TK2: variants seen among roughly 807,000 people sequenced by gnomAD.
The protein encoded by TK2 is thymidine kinase 2, also known as thymidine kinase 2, mitochondrial.
Under a neutral mutation model 41.9 loss-of-function variants are expected in TK2, and 35 were observed. The observed-to-expected ratio is 0.84, with a 90% CI of 0.64 to 1.11. TK2 has a LOEUF of 1.11. Ranked by LOEUF, TK2 falls within the 50% of genes least tolerant of loss-of-function variation. The pLI is 0.00. For missense variants in TK2, 320 were observed against 351.1 expected, an observed-to-expected ratio of 0.91 and a Z score of 0.71; for synonymous variants, 128 against 129.1, an observed-to-expected ratio of 0.99 and a Z score of 0.06.
rs1482675601 is a variant in TK2, at chr16:66,550,048, G to A, written c.14C>T (p.Pro5Leu). The A allele has an allele frequency of 1.9e-6, 3 of 1,572,450 alleles. No individual in the cohort carries two copies. The highest frequency in any genetic ancestry group is 2.3e-5 in the East Asian group (1 of 42,784). MLLW[P>L]LRGWAARALR... ...CGCCCGGGCGGCCCAGCCCCGCAGCGGCCACAGCAGCATAGCCGGGCGAGC... is the reference window on the plus strand; with the variant it reads ...CGCCCGGGCGGCCCAGCCCCGCAGCAGCCACAGCAGCATAGCCGGGCGAGC... Residue 5 changes from proline (P) to leucine (L), a missense_variant, in exon 1 of 10, where the codon CCG becomes CTG. Coordinates refer to ENST00000544898, the MANE Select transcript of TK2 (RefSeq NM_004614.5).
chr16:66,537,144 C>T, intron 3 of TK2, 127 bp from the exon 4 acceptor site: 3 of 1,307,564 alleles, frequency 2.3e-6, no homozygotes, highest in African/African-American at 1.5e-5. Flanking sequence ...AATTTGGGTG[C>T]CCAAGGTAGG....
rs1261718836 is a variant in TK2, at chr16:66,514,428, T to C, written c.619-617A>G. 6.6e-6 allele frequency among the ~76,000 whole-genome samples: 1 copy of C among 152,136 alleles called. No individual in the cohort carries two copies. The highest frequency in any genetic ancestry group is 1.5e-5 in the Non-Finnish European group (1 of 68,020). ...AGTCTGGTTCACTCAGTGCTCAATG[T>C]TGCCCAGGCTGGAGTGCAGTGGCGT... is the stretch of plus-strand genomic sequence containing the variant. On this transcript the variant is annotated intron_variant, in intron 8 of 9. Transcript: ENST00000544898. The surrounding 1 kb of genome is among the most constrained non-coding windows in gnomAD (Gnocchi z 4.2).
chr16:66,517,179 C>T lies in TK2; in HGVS notation c.575G>A (p.Arg192Lys), dbSNP rs281865496. ...LRTNPETCYQ[R>K]LKKRCREEEK... ...CTCTTCCCTGCATCTCTTCTTTAAC[C>T]TCTGGTAACAAGTCTCAGGATTGGT... Residue 192 changes from arginine to lysine, a missense_variant, in exon 8 of 10, where the codon AGG (arginine) becomes AAG (lysine). By Grantham distance (26) the Arg-to-Lys change is conservative (BLOSUM62 2). Transcript: ENST00000544898. The surrounding 1 kb of genome is among the most constrained non-coding windows in gnomAD (Gnocchi z 4.3). 6.2e-7 allele frequency: 1 copy of T among 1,614,162 alleles called. No individual in the cohort carries two copies. Among genetic ancestry groups the T allele is most frequent in the Admixed American group, 1.7e-5 (1 of 60,016 alleles).
chr16:66,524,240 G>C (rs1484521865), intron 6 of TK2, among the ~76,000 whole-genome samples: 1 of 152,188 alleles, frequency 6.6e-6, no homozygotes, highest in East Asian at 1.9e-4. Context: ...GTCCAGTGAA[G>C]CCCCAAGGAA....
At position 66,548,842 on chromosome 16, in the gene TK2, T is replaced by C. The variant is rs1010368572; in HGVS notation, c.156+136A>G. 3 of 841,950 alleles carry C rather than the reference T, an allele frequency of 3.6e-6. No homozygotes were observed. The South Asian group carries it at 4.4e-5, about 12-fold the overall frequency. 52.2% of individuals were successfully genotyped at this position (841,950 alleles called of 1,614,324 possible). ...GTGGCCTTCTAGGAGGGTGACAGAC[T>C]TCCTTCTCCCTGGAGATCCTCTTGT... On this transcript the variant is annotated intron_variant, in intron 2 of 9. Coordinates refer to ENST00000544898, the MANE Select transcript of TK2 (RefSeq NM_004614.5).
chr16:66,542,256 C>G (rs1008518106), intron 2 of TK2, among the ~76,000 whole-genome samples: 2 of 152,192 alleles, frequency 1.3e-5, no homozygotes, highest in African/African-American at 4.8e-5. Context: ...CTTAGTTCAA[C>G]CCCACAGACT....
At chr16:66,549,513 G>C (rs1321297128) in intron 1 of TK2, 2 of 1,037,828 alleles carry the variant, frequency 1.9e-6, no homozygotes, top group African/African-American at 3.4e-5. Flanking sequence ...TTCTGTGTGG[G>C]TCCCCACTCC....
At chr16:66,518,641 G>A (rs927337627) in intron 6 of TK2, among the ~76,000 whole-genome samples, 2 of 152,166 alleles carry the variant, frequency 1.3e-5, no homozygotes, top group South Asian at 2.1e-4. Flanking sequence ...GAAAATTCAC[G>A]CAGTAACTGA....
intron 6 of TK2, among the ~76,000 whole-genome samples, chr16:66,522,817 T>C (rs1472154006): frequency 6.6e-6 from 1 of 151,948 alleles, no homozygotes; most frequent in Non-Finnish European, 1.5e-5. Context: ...TGAGCCGAGA[T>C]TGCACCACTG....
In TK2 at chr16:66,517,608, T is replaced by A. The variant is rs1324079864; in HGVS notation, c.538+181A>T. Among the ~76,000 whole-genome samples, 2 of 152,184 alleles carry A rather than the reference T, an allele frequency of 1.3e-5. No homozygotes were observed. Among genetic ancestry groups the A allele is most frequent in the Non-Finnish European group, 2.9e-5 (2 of 68,034 alleles). ...GAACAAAGGCCAGGGTTCTTCTCCA[T>A]GAGAGACCAGAAGTCCCGAATTCTG... is the stretch of plus-strand genomic sequence containing the variant. On this transcript the variant is annotated intron_variant, in intron 7 of 9. Coordinates refer to ENST00000544898, the MANE Select transcript of TK2 (RefSeq NM_004614.5). This position sits in a 1 kb window ranked among gnomAD's most constrained non-coding sequence, Gnocchi z 4.3.
intron 6 of TK2, among the ~76,000 whole-genome samples, chr16:66,523,932 G>A (rs932820105): frequency 6.6e-6 from 1 of 152,198 alleles, no homozygotes; most frequent in Non-Finnish European, 1.5e-5. Flanking sequence ...GGAGTTGTCC[G>A]GAGAGTGGCC....
In TK2 at chr16:66,514,591, T is replaced by G. The variant is rs1964553491; in HGVS notation, c.619-780A>C. ...CTGCCTGGCCGCCCATCGTCTAGGATGTGAGGACCCCTCTGCCCGGCCGCT... is the reference window on the plus strand; with the variant it reads ...CTGCCTGGCCGCCCATCGTCTAGGAGGTGAGGACCCCTCTGCCCGGCCGCT... On this transcript the variant is annotated intron_variant, in intron 8 of 9. Coordinates refer to ENST00000544898, the MANE Select transcript of TK2 (RefSeq NM_004614.5). The surrounding 1 kb of genome is among the most constrained non-coding windows in gnomAD (Gnocchi z 4.2). 6.6e-6 allele frequency among the ~76,000 whole-genome samples: 1 copy of G among 152,042 alleles called. No homozygotes were observed. Among genetic ancestry groups the G allele is most frequent in the South Asian group, 2.1e-4 (1 of 4,824 alleles).
chr16:66,517,833 A>G lies in TK2; in HGVS notation c.494T>C (p.Phe165Ser). Residue 165 changes from phenylalanine (F) to serine (S), a missense_variant, in exon 7 of 10, where the codon TTT becomes TCT. Coordinates refer to ENST00000544898, the MANE Select transcript of TK2 (RefSeq NM_004614.5). This position sits in a 1 kb window ranked among gnomAD's most constrained non-coding sequence, Gnocchi z 4.3. ...EVDYVVLSEW[F>S]DWILRNMDVS... ...GTCCATGTTCCTCAAGATCCAGTCA[A>G]ACCATTCCGACAGAACTACATAGTC... The G allele has an allele frequency of 6.2e-7, 1 of 1,614,180 alleles. No individual in the cohort carries two copies. The highest frequency in any genetic ancestry group is 8.5e-7 in the Non-Finnish European group (1 of 1,180,030).
intron 2 of TK2, among the ~76,000 whole-genome samples, chr16:66,543,251 G>A (rs1965510259): frequency 6.6e-6 from 1 of 152,218 alleles, no homozygotes; most frequent in Non-Finnish European, 1.5e-5. Context: ...CTGGAGCAGA[G>A]CTTCTCCCTG....
At chr16:66,549,343 C>T in intron 1 of TK2, 1 of 1,150,856 alleles carries the variant, frequency 8.7e-7, no homozygotes, top group Non-Finnish European at 1.1e-6. Context: ...TCGCGGTGCA[C>T]GGGGAAGAGT....
At chr16:66,529,600 GC>G (rs1345765530) in intron 5 of TK2, among the ~76,000 whole-genome samples, 1 of 152,198 alleles carries the variant, frequency 6.6e-6, no homozygotes, top group African/African-American at 2.4e-5. Flanking sequence ...GCCTGACAGT[GC>G]CCCTTTCTGC....
At chr16:66,537,715 G>A (rs548603457) in intron 3 of TK2, among the ~76,000 whole-genome samples, 41 of 152,330 alleles carry the variant, frequency 2.7e-4, no homozygotes, top group African/African-American at 9.6e-4. Context: ...GCCTTTCTGG[G>A]TATGCAGGTG....
At chr16:66,541,761 T>A in intron 3 of TK2, 118 bp downstream of exon 3, 3 of 987,500 alleles carry the variant, frequency 3.0e-6, no homozygotes, top group African/African-American at 1.6e-5. Flanking sequence ...AAATTACACC[T>A]GTGGCTTGCA....
In TK2 at chr16:66,517,626, G is replaced by A. The variant is rs891903845; in HGVS notation, c.538+163C>T. 1.6e-4 allele frequency among the ~76,000 whole-genome samples: 24 copies of A among 152,302 alleles called. 1 individual carries two copies. Among genetic ancestry groups the A allele is most frequent in the Admixed American group, 1.3e-3 (20 of 15,292 alleles). On this transcript the variant is annotated intron_variant, in intron 7 of 9. Coordinates refer to ENST00000544898, the MANE Select transcript of TK2 (RefSeq NM_004614.5). The surrounding 1 kb of genome is among the most constrained non-coding windows in gnomAD (Gnocchi z 4.3). ...TTCTCCATGAGAGACCAGAAGTCCC[G>A]AATTCTGTCTGCCCTCAGGGAGAAA...
Sources: gnomAD v4.1 joint callset for allele counts (sites outside exome capture counted in the v4.1 genomes callset) on GRCh38, gnomAD v4.1.1 for gene constraint, Gnocchi (gnomAD v3.1) non-coding constraint, MANE v1.5 for transcripts, NCBI Gene and HGNC (gene_info 2026-07-23, HGNC 2026-07-21) for gene names.